Variants in GALNT17 observed in about 807,000 individuals in gnomAD.
GALNT17 encodes the protein polypeptide N-acetylgalactosaminyltransferase 17, also known as UDP-GalNAc:polypeptide N-acetylgalactosaminyltransferase-like 3.
GALNT17 carries 29 observed loss-of-function variants against 63.7 expected under a neutral mutation model. The observed-to-expected ratio is 0.46, with a 90% CI of 0.34 to 0.62. The LOEUF is 0.62. Ranked by LOEUF, GALNT17 falls within the 20% of genes least tolerant of loss-of-function variation. The probability of loss-of-function intolerance (pLI) is 0.01; values close to 1 mark genes in which losing one functional copy is unlikely to be tolerated. For missense variants in GALNT17, 603 were observed against 799.6 expected (o/e 0.75, Z 2.97); for synonymous variants, 305 against 318.3 (o/e 0.96, Z 0.45).
At chr7:71,584,245 T>G (rs1201621638) in intron 6 of GALNT17, among the ~76,000 whole-genome samples, 1 of 152,230 alleles carries the variant, frequency 6.6e-6, no homozygotes, top group African/African-American at 2.4e-5. Flanking sequence ...TAGATTATTT[T>G]GTCTCACTGT....
At chr7:71,332,972 G>C (rs376176764) in intron 1 of GALNT17, among the ~76,000 whole-genome samples, 1 of 152,204 alleles carries the variant, frequency 6.6e-6, no homozygotes. Context: ...ACAGGCGTGA[G>C]CCATGGCCCC....
chr7:71,418,529 T>C (rs734053), intron 4 of GALNT17, among the ~76,000 whole-genome samples: 119,503 of 152,162 alleles, frequency 0.79, 47,295 homozygotes, highest in African/African-American at 0.86. Context: ...TCTAGGACAT[T>C]CCATCTTTGT....
chr7:71,507,502 T>G (rs1788287215), intron 5 of GALNT17, among the ~76,000 whole-genome samples: 1 of 152,208 alleles, frequency 6.6e-6, no homozygotes, highest in Non-Finnish European at 1.5e-5. Context: ...GAGATAGTTC[T>G]GCTGGAACAG....
intron 1 of GALNT17, among the ~76,000 whole-genome samples, chr7:71,235,360 C>T (rs577333975): frequency 6.6e-5 from 10 of 152,248 alleles, no homozygotes; most frequent in Admixed American, 3.3e-4. Context: ...GCTGCATCAC[C>T]CGCAACCGTC....
intron 1 of GALNT17, among the ~76,000 whole-genome samples, chr7:71,164,601 A>T (rs1014092): frequency 0.27 from 41,003 of 152,152 alleles, 6,001 homozygotes; most frequent in Middle Eastern, 0.35. Flanking sequence ...CTTAAGTGGG[A>T]CTTGCAACAT....
intron 5 of GALNT17, among the ~76,000 whole-genome samples, chr7:71,458,185 G>T (rs1787387942): frequency 6.6e-6 from 1 of 152,202 alleles, no homozygotes; most frequent in Admixed American, 6.5e-5. Context: ...TCTATCCTGT[G>T]CATTAGCAGA....
intron 1 of GALNT17, among the ~76,000 whole-genome samples, chr7:71,186,846 C>T (rs559727363): frequency 1.4e-4 from 21 of 152,298 alleles, no homozygotes; most frequent in Admixed American, 1.0e-3. Flanking sequence ...TTCCCTAAGG[C>T]GAGAAAGGCT....
intron 1 of GALNT17, among the ~76,000 whole-genome samples, chr7:71,313,196 T>A (rs935779536): frequency 6.6e-6 from 1 of 152,206 alleles, no homozygotes; most frequent in African/African-American, 2.4e-5. Flanking sequence ...CATCTGTGGA[T>A]ATTATGAACA....
intron 2 of GALNT17, among the ~76,000 whole-genome samples, chr7:71,342,541 A>C (rs541070898): frequency 3.9e-5 from 6 of 152,338 alleles, no homozygotes; most frequent in African/African-American, 1.2e-4. Flanking sequence ...ATACAGAAAA[A>C]AAACAAAAGC....
At chr7:71,354,428 G>C (rs1792246012) in intron 2 of GALNT17, among the ~76,000 whole-genome samples, 1 of 152,094 alleles carries the variant, frequency 6.6e-6, no homozygotes, top group South Asian at 2.1e-4. Context: ...CTTTTATTAG[G>C]ATGGGTGTTG....
intron 2 of GALNT17, among the ~76,000 whole-genome samples, chr7:71,370,183 A>G (rs1399699484): frequency 6.6e-6 from 1 of 152,248 alleles, no homozygotes; most frequent in African/African-American, 2.4e-5. Flanking sequence ...ATTGGCATAC[A>G]GCTGGAGCTA....
chr7:71,283,281 T>C (rs901802878), intron 1 of GALNT17, among the ~76,000 whole-genome samples: 4 of 152,078 alleles, frequency 2.6e-5, no homozygotes, highest in Non-Finnish European at 5.9e-5. Flanking sequence ...GCTCAAGGGA[T>C]CCTCTTGCTT....
intron 5 of GALNT17, among the ~76,000 whole-genome samples, chr7:71,504,226 C>CAAAA (rs573686607): frequency 3.8e-5 from 4 of 105,190 alleles, no homozygotes; most frequent in Non-Finnish European, 7.9e-5. Context: ...GACTCCATCT[C>CAAAA]AAAAAAAAAA....
intron 1 of GALNT17, among the ~76,000 whole-genome samples, chr7:71,200,543 C>A (rs896654499): frequency 5.9e-5 from 9 of 152,100 alleles, no homozygotes; most frequent in Non-Finnish European, 8.8e-5. Context: ...CAAAAGTGTT[C>A]AAAAACTTGA....
intron 5 of GALNT17, among the ~76,000 whole-genome samples, chr7:71,434,660 C>T (rs1213687638): frequency 6.6e-6 from 1 of 152,160 alleles, no homozygotes; most frequent in Non-Finnish European, 1.5e-5. Flanking sequence ...AGATCACTCA[C>T]TTGTTGTGTA....
chr7:71,192,151 C>G (rs532910634), intron 1 of GALNT17, among the ~76,000 whole-genome samples: 3 of 152,162 alleles, frequency 2.0e-5, no homozygotes, highest in African/African-American at 7.2e-5. Context: ...AGATGAAGGC[C>G]GGAAGACTCA....
chr7:71,152,894 A>C (rs137997542), intron 1 of GALNT17, among the ~76,000 whole-genome samples: 7 of 152,146 alleles, frequency 4.6e-5, no homozygotes, highest in East Asian at 1.9e-4. Context: ...CAGCCTCCCA[A>C]AGTGCTAGGA....
At chr7:71,488,394 T>G (rs936913566) in intron 5 of GALNT17, among the ~76,000 whole-genome samples, 1 of 151,876 alleles carries the variant, frequency 6.6e-6, no homozygotes, top group Non-Finnish European at 1.5e-5. Context: ...GTCAAGGAAC[T>G]TCCTGGACAA....
At chr7:71,234,861 C>T (rs1392627315) in intron 1 of GALNT17, among the ~76,000 whole-genome samples, 2 of 152,144 alleles carry the variant, frequency 1.3e-5, no homozygotes, top group Admixed American at 6.5e-5. Context: ...GTCTAAGTGC[C>T]TTTTTGTACC....
Sources: allele counts gnomAD v4.1 joint callset (sites outside exome capture counted in the v4.1 genomes callset), GRCh38; gene constraint gnomAD v4.1.1; transcripts MANE v1.5; gene names NCBI Gene and HGNC (gene_info 2026-07-23, HGNC 2026-07-21).